FARP2: variants seen among roughly 807,000 people sequenced by gnomAD.
FARP2 encodes FERM, ARH/RhoGEF and pleckstrin domain protein 2, also known as FERM, ARHGEF and pleckstrin domain-containing protein 2.
A neutral mutation model predicts 130.5 loss-of-function variants in FARP2; 111 were observed. The observed-to-expected ratio is 0.85, with a 90% CI of 0.73 to 1.00. FARP2 has a LOEUF of 1.00. Among genes scored for constraint, FARP2 ranks in the 50% least tolerant of loss-of-function variants. FARP2 has a pLI of 0.00. For synonymous variants in FARP2, 504 were observed against 516.9 expected (o/e 0.98, Z 0.34); for missense variants, 1,385 against 1,346.3 (o/e 1.03, Z -0.45).
intron 15 of FARP2, 71 bp downstream of exon 15, chr2:241,462,683 CT>C (rs1418026732): frequency 2.9e-6 from 3 of 1,046,812 alleles, no homozygotes; most frequent in Non-Finnish European, 4.4e-6. Flanking sequence ...AGAAATATCT[CT>C]TTTTTTTCTT....
chr2:241,370,116 A>G (rs1159023598), intron 1 of FARP2, among the ~76,000 whole-genome samples: 3 of 152,222 alleles, frequency 2.0e-5, no homozygotes, highest in Admixed American at 6.5e-5. Context: ...ATTGTTTGGT[A>G]GCACAATAGG....
rs891965168 is a variant in FARP2, at chr2:241,459,842, G to A, written c.1588-2681G>A. Among the ~76,000 whole-genome samples the A allele has an allele frequency of 6.6e-5, 10 of 151,782 alleles. No homozygotes were observed. The highest frequency in any genetic ancestry group is 1.3e-4 in the Non-Finnish European group (9 of 67,966). On this transcript the variant is annotated intron_variant, in intron 14 of 26. Transcript: ENST00000264042. The surrounding 1 kb of genome is among the most constrained non-coding windows in gnomAD (Gnocchi z 5.3). ...GGCGGGGCGGGGCGGGGGCAGGGGC[G>A]GGACGGAAGACCCTTCTCTTGGCCA... is the stretch of plus-strand genomic sequence containing the variant.
At chr2:241,462,668 C>A in intron 15 of FARP2, 56 bp downstream of exon 15, 2 of 1,146,508 alleles carry the variant, frequency 1.7e-6, no homozygotes, top group East Asian at 2.3e-5. Flanking sequence ...CTCATCTGAA[C>A]ACAGAGAAAT....
chr2:241,359,600 C>T (rs1455342552), intron 1 of FARP2, among the ~76,000 whole-genome samples: 2 of 152,224 alleles, frequency 1.3e-5, no homozygotes, highest in Non-Finnish European at 2.9e-5. Flanking sequence ...TCTCCTGTTC[C>T]CCTGTGAGGA....
chr2:241,487,471 C>T (rs1326922626), intron 21 of FARP2, among the ~76,000 whole-genome samples: 1 of 152,048 alleles, frequency 6.6e-6, no homozygotes, highest in Non-Finnish European at 1.5e-5. Context: ...AGTTTAAGAC[C>T]AGCCTGGCCA....
At position 241,468,364 on chromosome 2, in the gene FARP2, C is replaced by T. The variant is rs371819278; in HGVS notation, c.2118C>T (p.Tyr706=). 109 of 1,610,876 alleles carry T rather than the reference C, an allele frequency of 6.8e-5. No homozygotes were observed. The highest frequency in any genetic ancestry group is 5.9e-4 in the South Asian group (54 of 91,040). ...CGHYSPGHHD[Y]ADCHDALKAI... is the part of the protein sequence containing the mutation. The stretch of plus-strand genomic sequence containing the variant: ...ATTACAGCCCCGGGCACCATGACTA[C>T]GCTGACTGCCATGGTGAGTGTGGGT... Residue 706 remains tyrosine, a synonymous_variant, in exon 18 of 27, where the codon TAC becomes TAT. Transcript: ENST00000264042.
At chr2:241,408,646 T>C (rs2062429702) in intron 5 of FARP2, among the ~76,000 whole-genome samples, 1 of 152,162 alleles carries the variant, frequency 6.6e-6, no homozygotes, top group Non-Finnish European at 1.5e-5. Context: ...TCAATTATAT[T>C]ATGAAGAATA....
chr2:241,476,025 T>C (rs750454167), intron 19 of FARP2, 38 bp downstream of exon 19: 24 of 1,582,718 alleles, frequency 1.5e-5, no homozygotes, highest in Non-Finnish European at 2.0e-5. Flanking sequence ...TTTGAGCTAC[T>C]TTGGTTTTTC....
At chr2:241,416,023 GT>G (rs1452042122) in intron 7 of FARP2, among the ~76,000 whole-genome samples, 1 of 151,236 alleles carries the variant, frequency 6.6e-6, no homozygotes, top group Non-Finnish European at 1.5e-5. Flanking sequence ...GTGTGTGTGT[GT>G]GTGTGTGTGT....
chr2:241,458,541 A>G (rs746071302), intron 14 of FARP2, among the ~76,000 whole-genome samples: 2 of 152,214 alleles, frequency 1.3e-5, no homozygotes, highest in Non-Finnish European at 1.5e-5. Flanking sequence ...AGCAAAGGAT[A>G]TTAAACGTAC....
intron 2 of FARP2, among the ~76,000 whole-genome samples, chr2:241,399,962 G>T (rs964596440): frequency 1.3e-5 from 2 of 151,942 alleles, no homozygotes; most frequent in Admixed American, 1.3e-4. Context: ...GTTTGTTTGT[G>T]TGTATATATA....
chr2:241,430,638 T>G (rs573493723), intron 8 of FARP2, among the ~76,000 whole-genome samples: 34 of 152,260 alleles, frequency 2.2e-4, no homozygotes, highest in African/African-American at 7.2e-4. Flanking sequence ...CAGACCACCC[T>G]CCTTGCAGGA....
chr2:241,409,615 C>T (rs1377030808), intron 5 of FARP2, among the ~76,000 whole-genome samples: 1 of 152,190 alleles, frequency 6.6e-6, no homozygotes, highest in African/African-American at 2.4e-5. Context: ...ACCTTATTCT[C>T]CGCATAAGTA....
At chr2:241,463,563 A>G (rs2064084885) in intron 16 of FARP2, 95 bp downstream of exon 16, 2 of 1,443,124 alleles carry the variant, frequency 1.4e-6, no homozygotes. Context: ...AATTCAGAAG[A>G]GCCATTTTTT....
At chr2:241,434,862 T>G (rs1281586775) in intron 10 of FARP2, 100 bp from the exon 11 acceptor site, 2 of 775,864 alleles carry the variant, frequency 2.6e-6, no homozygotes, top group Non-Finnish European at 4.5e-6. Flanking sequence ...GTGTGTATAT[T>G]TATGAGAGAG....
At chr2:241,432,323 C>T (rs1185649162) in intron 9 of FARP2, 1 of 152,476 alleles carries the variant, frequency 6.6e-6, no homozygotes, top group Non-Finnish European at 1.5e-5. Flanking sequence ...TTGTCACTCA[C>T]GTGTTGCTGG....
In FARP2 at chr2:241,493,335, G is replaced by A. The variant is rs145708249; in HGVS notation, c.2938G>A (p.Val980Met). Reference protein sequence around the residue: ...LASLPLLGYSVSIPREADGIH... With the variant: ...LASLPLLGYSMSIPREADGIH... ...CAGCCTCCCGCTGCTGGGCTACAGC[G>A]TGAGCATCCCCAGGGAGGCCGATGG... Residue 980 changes from valine to methionine, a missense_variant, in exon 26 of 27, where the codon GTG becomes ATG. Physicochemically the swap from Val to Met is conservative, Grantham distance 21 (BLOSUM62 1). Coordinates refer to ENST00000264042, the MANE Select transcript of FARP2 (RefSeq NM_014808.4). 55 of 1,614,002 alleles carry A rather than the reference G, an allele frequency of 3.4e-5. No individual in the cohort carries two copies. The highest frequency in any genetic ancestry group is 1.7e-4 in the Middle Eastern group (1 of 6,058).
intron 6 of FARP2, among the ~76,000 whole-genome samples, chr2:241,412,284 G>T (rs2150363242): frequency 6.6e-6 from 1 of 152,286 alleles, no homozygotes; most frequent in Middle Eastern, 3.4e-3. Context: ...CCGCCCCCAT[G>T]AGTCAGTTAC....
intron 1 of FARP2, among the ~76,000 whole-genome samples, chr2:241,366,123 GTA>G (rs57241708): frequency 0.01 from 911 of 87,956 alleles, 52 homozygotes; most frequent in South Asian, 0.067. Context: ...ATATATATAC[GTA>G]TATATATATA....
Sources: gnomAD v4.1 joint callset for allele counts (sites outside exome capture counted in the v4.1 genomes callset) on GRCh38, gnomAD v4.1.1 for gene constraint, Gnocchi (gnomAD v3.1) non-coding constraint, MANE v1.5 for transcripts, NCBI Gene and HGNC (gene_info 2026-07-23, HGNC 2026-07-21) for gene names.